Variants in LCORL observed in about 807,000 individuals in gnomAD.
LCORL encodes the protein ligand-dependent nuclear receptor corepressor-like protein.
LCORL carries 41 observed loss-of-function variants against 141.8 expected under a neutral mutation model. The ratio of observed to expected loss-of-function variants is 0.29; its 90% CI spans 0.23 to 0.38. The LOEUF (loss-of-function observed/expected upper bound fraction) is 0.38, where lower values mean the gene tolerates loss of function less well. Among genes scored for constraint, LCORL ranks in the 10% least tolerant of loss-of-function variants. LCORL has a pLI of 1.00. For missense variants in LCORL, 1,759 were observed against 2,035.0 expected, an observed-to-expected ratio of 0.86 and a Z score of 2.61; for synonymous variants, 618 against 694.1, an observed-to-expected ratio of 0.89 and a Z score of 1.72.
chr4:17,973,261 G>GA (rs1716320589), intron 1 of LCORL, among the ~76,000 whole-genome samples: 1 of 151,650 alleles, frequency 6.6e-6, no homozygotes, highest in Non-Finnish European at 1.5e-5. Flanking sequence ...AAGTAAACAT[G>GA]AAAAATAGCA....
chr4:17,975,397 C>A (rs867124838), intron 1 of LCORL, among the ~76,000 whole-genome samples: 21 of 150,486 alleles, frequency 1.4e-4, no homozygotes, highest in African/African-American at 4.9e-4. Flanking sequence ...TTGCTGAATT[C>A]TTTTGTTTTT....
chr4:17,877,892 T>G (rs767871629), exon 7 of LCORL: 2 of 1,230,738 alleles, frequency 1.6e-6, no homozygotes, highest in Non-Finnish European at 2.0e-6. Flanking sequence ...AATGTAAATC[T>G]TTAATACAGA....
intron 7 of LCORL, among the ~76,000 whole-genome samples, chr4:17,857,974 C>CCATG (rs936452014): frequency 9.7e-4 from 148 of 152,188 alleles, no homozygotes; most frequent in South Asian, 3.3e-3. Context: ...CTGAAAATTA[C>CCATG]CATGCATGCA....
chr4:17,878,642 AATAG>A (rs888822761), intron 6 of LCORL, among the ~76,000 whole-genome samples: 39 of 151,578 alleles, frequency 2.6e-4, no homozygotes, highest in African/African-American at 9.2e-4. Context: ...CTTTATTTAA[AATAG>A]ATATTTTTTC....
chr4:17,970,075 T>C (rs952946185), intron 2 of LCORL, among the ~76,000 whole-genome samples: 1 of 152,140 alleles, frequency 6.6e-6, no homozygotes, highest in Non-Finnish European at 1.5e-5. Flanking sequence ...ATCACTTCCT[T>C]AACTTAAAAC....
intron 7 of LCORL, among the ~76,000 whole-genome samples, chr4:17,872,658 G>A (rs1462292659): frequency 6.6e-6 from 1 of 152,056 alleles, no homozygotes; most frequent in Non-Finnish European, 1.5e-5. Flanking sequence ...TTTGAATTTG[G>A]CATTACCTTA....
intron 5 of LCORL, among the ~76,000 whole-genome samples, chr4:17,887,819 G>C (rs1728501402): frequency 6.6e-6 from 1 of 152,112 alleles, no homozygotes; most frequent in Non-Finnish European, 1.5e-5. Flanking sequence ...AACCTGCTGG[G>C]AAAGTGCTAT....
intron 2 of LCORL, among the ~76,000 whole-genome samples, chr4:17,969,225 A>T (rs920992071): frequency 6.6e-6 from 1 of 152,206 alleles, no homozygotes; most frequent in East Asian, 1.9e-4. Flanking sequence ...AAAGTACACC[A>T]ATGTGTGAAG....
At chr4:17,928,033 G>T (rs1735433215) in intron 4 of LCORL, among the ~76,000 whole-genome samples, 1 of 152,126 alleles carries the variant, frequency 6.6e-6, no homozygotes, top group South Asian at 2.1e-4. Context: ...AGAGAATCTA[G>T]TAACACATTA....
At chr4:17,880,747 ACAAT>A (rs1727455679) in intron 6 of LCORL, 2 of 966,812 alleles carry the variant, frequency 2.1e-6, no homozygotes, top group South Asian at 9.6e-5. Context: ...TAAAATTCAT[ACAAT>A]CAGATTTAGA....
chr4:17,847,610 TAATTA>T (rs1034302152), intron 7 of LCORL, among the ~76,000 whole-genome samples: 30 of 152,288 alleles, frequency 2.0e-4, no homozygotes, highest in Admixed American at 3.3e-4. Flanking sequence ...AAAAATAATA[TAATTA>T]AAGTATATGT....
At chr4:17,898,132 A>C (rs566280846) in intron 5 of LCORL, among the ~76,000 whole-genome samples, 67 of 152,336 alleles carry the variant, frequency 4.4e-4, no homozygotes, top group Non-Finnish European at 7.9e-4. Flanking sequence ...ACAGACTCAA[A>C]AAATAATGAC....
chr4:17,901,077 A>C (rs1048527436), intron 5 of LCORL, among the ~76,000 whole-genome samples: 3 of 152,152 alleles, frequency 2.0e-5, no homozygotes, highest in African/African-American at 7.2e-5. Context: ...TTTTTAAAAA[A>C]AATGTAATTG....
intron 1 of LCORL, among the ~76,000 whole-genome samples, chr4:18,003,867 T>C (rs961740523): frequency 6.6e-6 from 1 of 152,194 alleles, no homozygotes; most frequent in South Asian, 2.1e-4. Flanking sequence ...CACATAAAGT[T>C]ACTCAGTTTA....
intron 2 of LCORL, among the ~76,000 whole-genome samples, chr4:17,965,448 G>T (rs901988722): frequency 6.6e-6 from 1 of 152,006 alleles, no homozygotes; most frequent in Non-Finnish European, 1.5e-5. Context: ...ATCTCTAAAA[G>T]ATGTTATCTC....
chr4:17,881,979 T>TG lies in LCORL; in HGVS notation c.777-3767dup, dbSNP rs1049287096. 15 of 921,880 alleles carry TG rather than the reference T, an allele frequency of 1.6e-5. No homozygotes were observed. In the Admixed American group the frequency reaches 2.1e-4, roughly 13 times the overall value. The allele number at this position is 921,880 out of a possible 1,614,324, so 57.1% of individuals were successfully genotyped here. A position where few individuals can be genotyped will look rare whatever the true frequency, so the allele number is the denominator to read the frequency against. On this transcript the variant is annotated intron_variant, in intron 6 of 7. Coordinates refer to ENST00000635767, the Ensembl canonical transcript of LCORL. ...ATCTATTATGTATATTTTCTTGGGGTGAAAAAAAAAAAAAAGAGGATTCAT... is the reference window on the plus strand; with the variant it reads ...ATCTATTATGTATATTTTCTTGGGGTGGAAAAAAAAAAAAAAGAGGATTCAT...
At chr4:17,917,350 G>A (rs749274766) in intron 4 of LCORL, among the ~76,000 whole-genome samples, 1 of 152,090 alleles carries the variant, frequency 6.6e-6, no homozygotes, top group Admixed American at 6.6e-5. Flanking sequence ...CTGCCACCAC[G>A]CCCGGCTAAG....
In LCORL at chr4:18,006,646, A is replaced by C. The variant is rs1379596397; in HGVS notation, c.154+14952T>G. Among the ~76,000 whole-genome samples the C allele has an allele frequency of 3.3e-5, 5 of 152,298 alleles. No homozygotes were observed. The South Asian group carries it at 6.2e-4, about 19-fold the overall frequency. ...ATCTCAGATGGTGGCAGACAAGAGA[A>C]GAGAGCTTGTGCAGGGAAAGTCCCC... is the stretch of plus-strand genomic sequence containing the variant. On this transcript the variant is annotated intron_variant, in intron 1 of 7. Transcript: ENST00000635767.
intron 5 of LCORL, 141 bp downstream of exon 5, chr4:17,908,953 T>C: frequency 1.4e-6 from 1 of 706,652 alleles, no homozygotes; most frequent in African/African-American, 1.8e-5. Context: ...TAGGTACTTC[T>C]CTCCAGCACA....
Sources: gnomAD v4.1 joint callset for allele counts (sites outside exome capture counted in the v4.1 genomes callset) on GRCh38, gnomAD v4.1.1 for gene constraint, MANE v1.5 for transcripts, NCBI Gene and HGNC (gene_info 2026-07-23, HGNC 2026-07-21) for gene names.